The following TSHR variants were observed in gnomAD, a reference collection of about 807,000 sequenced individuals.
TSHR encodes the protein thyrotropin receptor.
In TSHR, 51 loss-of-function variants were observed where a neutral mutation model predicts 64.1. The observed-to-expected ratio is 0.80, with a 90% confidence interval of 0.64 to 1.01. The LOEUF is 1.01. Ranked by LOEUF, TSHR falls within the 50% of genes least tolerant of loss-of-function variation. The pLI is 0.00. For missense variants in TSHR, 877 were observed against 942.8 expected (o/e 0.93, Z 0.91); for synonymous variants, 361 against 361.9 (o/e 1.00, Z 0.03).
intron 2 of TSHR, among the ~76,000 whole-genome samples, chr14:81,065,528 C>G (rs113398417): frequency 6.6e-6 from 1 of 152,244 alleles, no homozygotes; most frequent in East Asian, 1.9e-4. Flanking sequence ...GACACCCAGG[C>G]AGATCTGAAG....
chr14:81,104,609 G>A lies in TSHR; in HGVS notation c.615-3766G>A, dbSNP rs900647021. 4.1e-6 allele frequency: 4 copies of A among 985,302 alleles called. No individual in the cohort carries two copies. The African/African-American group carries it at 5.2e-5, about 13-fold the overall frequency. 61.0% of individuals were successfully genotyped at this position (985,302 alleles called of 1,614,324 possible). A position where few individuals can be genotyped will look rare whatever the true frequency, so the allele number is the denominator to read the frequency against. On this transcript the variant is annotated intron_variant, in intron 7 of 9. Transcript: ENST00000298171. ...CAAGTCTTTACTGAATGGCCGCTAT[G>A]TGCCACGAGTGAGTCCAACAGAAAA...
At chr14:81,072,996 C>CAAAAAAAAAAA (rs1212879309) in intron 3 of TSHR, among the ~76,000 whole-genome samples, 2 of 7,522 alleles carry the variant, frequency 2.7e-4, no homozygotes, top group African/African-American at 1.4e-3. Flanking sequence ...GACTCCGTCT[C>CAAAAAAAAAAA]AAAAAAAAAA....
At chr14:81,056,411 A>G (rs1484659898) in intron 1 of TSHR, among the ~76,000 whole-genome samples, 2 of 152,178 alleles carry the variant, frequency 1.3e-5, no homozygotes, top group Non-Finnish European at 2.9e-5. Context: ...GTTTATGTGT[A>G]CATATATGCA....
chr14:81,011,032 G>A (rs866563833), intron 1 of TSHR, among the ~76,000 whole-genome samples: 1 of 152,078 alleles, frequency 6.6e-6, no homozygotes, highest in Non-Finnish European at 1.5e-5. Flanking sequence ...TCTTACTGTC[G>A]CTCTCTTGAG....
intron 8 of TSHR, among the ~76,000 whole-genome samples, chr14:81,109,191 C>T (rs538141634): frequency 2.0e-5 from 3 of 152,240 alleles, no homozygotes; most frequent in East Asian, 1.9e-4. Flanking sequence ...GGGCAGATCA[C>T]GAGGTCAGGC....
At chr14:81,028,857 T>A (rs891700005) in intron 1 of TSHR, among the ~76,000 whole-genome samples, 5 of 151,930 alleles carry the variant, frequency 3.3e-5, no homozygotes, top group African/African-American at 7.2e-5. Flanking sequence ...ATAGAGAAAA[T>A]TTTTTTAAAC....
At chr14:81,075,901 T>C (rs995057164) in intron 3 of TSHR, among the ~76,000 whole-genome samples, 8 of 151,986 alleles carry the variant, frequency 5.3e-5, no homozygotes, top group African/African-American at 1.9e-4. Flanking sequence ...AACCCAAATG[T>C]CCAACAATGA....
At chr14:81,108,777 A>T in intron 8 of TSHR, 3 of 1,596,796 alleles carry the variant, frequency 1.9e-6, no homozygotes, top group Non-Finnish European at 2.6e-6. Flanking sequence ...AAGATCCACA[A>T]CTAGATGGAA....
intron 1 of TSHR, among the ~76,000 whole-genome samples, chr14:80,991,133 C>T (rs952165273): frequency 6.6e-6 from 1 of 152,146 alleles, no homozygotes; most frequent in Admixed American, 6.5e-5. Flanking sequence ...TATGATTCTA[C>T]ATTAAAAGAA....
intron 8 of TSHR, among the ~76,000 whole-genome samples, chr14:81,135,108 T>G (rs1891401182): frequency 1.3e-5 from 2 of 152,038 alleles, no homozygotes; most frequent in African/African-American, 4.8e-5. Context: ...AAGTACCAAT[T>G]GAATATAAGG....
At chr14:81,108,645 G>C in intron 8 of TSHR, 193 bp downstream of exon 8, 1 of 1,614,076 alleles carries the variant, frequency 6.2e-7, no homozygotes, top group Non-Finnish European at 8.5e-7. Context: ...TGTCCTTTGA[G>C]ACTCAGAAGG....
At chr14:81,109,138 A>G (rs546815984) in intron 8 of TSHR, among the ~76,000 whole-genome samples, 131 of 152,288 alleles carry the variant, frequency 8.6e-4, no homozygotes, top group Admixed American at 2.1e-3. Context: ...GGCCGGGCAC[A>G]GTGTCTCACA....
chr14:81,131,138 CAGGA>C (rs2140087311), intron 8 of TSHR, among the ~76,000 whole-genome samples: 1 of 152,276 alleles, frequency 6.6e-6, no homozygotes, highest in Admixed American at 6.5e-5. Flanking sequence ...TTCCCCATCT[CAGGA>C]AATGGCAACT....
intron 1 of TSHR, among the ~76,000 whole-genome samples, chr14:80,967,326 C>T (rs1365125857): frequency 4.9e-5 from 7 of 144,108 alleles, no homozygotes; most frequent in Non-Finnish European, 1.0e-4. Flanking sequence ...CACTCTGTTG[C>T]CCAGGCTACA....
At chr14:81,061,493 G>A (rs189535803) in intron 1 of TSHR, among the ~76,000 whole-genome samples, 8 of 152,158 alleles carry the variant, frequency 5.3e-5, no homozygotes, top group Admixed American at 5.2e-4. Flanking sequence ...GTCCTTTTCA[G>A]GGACTTGGAT....
At chr14:81,085,023 A>T (rs1341954357) in intron 3 of TSHR, among the ~76,000 whole-genome samples, 1 of 152,206 alleles carries the variant, frequency 6.6e-6, no homozygotes, top group Non-Finnish European at 1.5e-5. Flanking sequence ...GTGCAGTGGC[A>T]CAATCTCAGC....
intron 4 of TSHR, among the ~76,000 whole-genome samples, chr14:81,089,065 G>T (rs1385442782): frequency 1.3e-5 from 2 of 149,124 alleles, no homozygotes; most frequent in Non-Finnish European, 3.0e-5. Context: ...TTGGCTCACT[G>T]CAACCGCCAC....
chr14:81,063,356 C>G (rs1886375004), intron 2 of TSHR, among the ~76,000 whole-genome samples: 1 of 152,130 alleles, frequency 6.6e-6, no homozygotes, highest in African/African-American at 2.4e-5. Flanking sequence ...ATACCCCACT[C>G]TCCTTGAGTA....
At chr14:81,022,257 G>A (rs7152004) in intron 1 of TSHR, among the ~76,000 whole-genome samples, 16,029 of 152,060 alleles carry the variant, frequency 0.11, 2,703 homozygotes, top group African/African-American at 0.36. Context: ...GCAACAGAGC[G>A]AGACTCCGTC....
Sources: gnomAD v4.1 joint callset for allele counts (sites outside exome capture counted in the v4.1 genomes callset) on GRCh38, gnomAD v4.1.1 for gene constraint, MANE v1.5 for transcripts, NCBI Gene and HGNC (gene_info 2026-07-23, HGNC 2026-07-21) for gene names.